The following ACTR6 variants were observed in gnomAD, a reference collection of about 807,000 sequenced individuals.
ACTR6 encodes the protein actin-related protein 6.
Under a neutral mutation model 52.5 loss-of-function variants are expected in ACTR6, and 50 were observed. The ratio of observed to expected loss-of-function variants is 0.95; its 90% CI spans 0.76 to 1.20. ACTR6 has a LOEUF of 1.20. Ranked by LOEUF, ACTR6 falls within the 50% of genes most tolerant of loss-of-function variation. The pLI is 0.00. For synonymous variants in ACTR6, 135 were observed against 147.2 expected (o/e 0.92, Z 0.60); for missense variants, 344 against 472.4 (o/e 0.73, Z 2.52).
intron 4 of ACTR6, 67 bp downstream of exon 4, chr12:100,207,853 A>C: frequency 6.5e-7 from 1 of 1,529,134 alleles, no homozygotes; most frequent in Non-Finnish European, 9.0e-7. Context: ...ATACTCATAA[A>C]GTCCCAAAAT....
chr12:100,206,894 G>A (rs2096115291), intron 3 of ACTR6, among the ~76,000 whole-genome samples: 1 of 148,596 alleles, frequency 6.7e-6, no homozygotes, highest in African/African-American at 2.5e-5. Flanking sequence ...TGGCCAGGCT[G>A]GTCTGGAACT....
At chr12:100,212,824 T>G (rs927099657) in intron 8 of ACTR6, among the ~76,000 whole-genome samples, 1 of 151,712 alleles carries the variant, frequency 6.6e-6, no homozygotes, top group East Asian at 2.0e-4. Flanking sequence ...GCCAACATAC[T>G]GAAACCCCGT....
At chr12:100,209,891 G>A (rs1034887122) in intron 4 of ACTR6, among the ~76,000 whole-genome samples, 182 bp from the exon 5 acceptor site, 4 of 151,882 alleles carry the variant, frequency 2.6e-5, no homozygotes, top group Non-Finnish European at 5.9e-5. Flanking sequence ...ATGTAAGTGT[G>A]GTGTTTTAAA....
At chr12:100,209,882 T>C (rs1396553807) in intron 4 of ACTR6, among the ~76,000 whole-genome samples, 191 bp from the exon 5 acceptor site, 1 of 152,234 alleles carries the variant, frequency 6.6e-6, no homozygotes, top group South Asian at 2.1e-4. Context: ...ATGTTTACCA[T>C]GTAAGTGTGG....
In ACTR6 at chr12:100,210,989, TTTTG is replaced by T. The variant is rs1290759787; in HGVS notation, c.572+646_572+649del. Among the ~76,000 whole-genome samples, 283 of 152,246 alleles carry T rather than the reference TTTTG, an allele frequency of 1.9e-3. 1 individual carries two copies. The highest frequency in any genetic ancestry group is 6.7e-3 in the African/African-American group (277 of 41,550). On this transcript the variant is annotated intron_variant, in intron 6 of 10. Coordinates refer to ENST00000188312, the MANE Select transcript of ACTR6 (RefSeq NM_022496.5). ...TGTTATCTGAAGAATGTTAGTTTCT[TTTTG>T]TTTGTTTTCTTTTTACAATTTTATT...
intron 1 of ACTR6, among the ~76,000 whole-genome samples, chr12:100,203,022 C>T (rs527768292): frequency 6.6e-6 from 1 of 152,230 alleles, no homozygotes; most frequent in South Asian, 2.1e-4. Context: ...GTATTAGATT[C>T]TCACAAAAAA....
chr12:100,223,532 T>C (rs2096129953), intron 10 of ACTR6, among the ~76,000 whole-genome samples: 1 of 152,218 alleles, frequency 6.6e-6, no homozygotes. Flanking sequence ...ATTCAGGACA[T>C]AGGGAAAAAG....
At chr12:100,203,969 C>T (rs1437291732) in intron 1 of ACTR6, 1 of 152,124 alleles carries the variant, frequency 6.6e-6, no homozygotes, top group Non-Finnish European at 1.5e-5. Flanking sequence ...ATCTTTAATC[C>T]AAATGGTATT....
Position 100,205,444 on chromosome 12 carries a change from T to C in ACTR6, c.187-232T>C, listed in dbSNP as rs1592833087. ...AAATTCATACAGCAGTATACCTATG[T>C]AGTAAACCTGCACGTTCTGCACATG... is the stretch of plus-strand genomic sequence containing the variant. On this transcript the variant is annotated intron_variant, in intron 2 of 10. Coordinates refer to ENST00000188312, the MANE Select transcript of ACTR6 (RefSeq NM_022496.5). 2.8e-5 allele frequency: 9 copies of C among 322,216 alleles called. No individual in the cohort carries two copies. In the East Asian group the frequency reaches 5.1e-4, roughly 18 times the overall value. 20.0% of individuals were successfully genotyped at this position (322,216 alleles called of 1,614,324 possible).
intron 8 of ACTR6, among the ~76,000 whole-genome samples, chr12:100,213,698 G>A (rs1478265851): frequency 1.3e-5 from 2 of 152,084 alleles, no homozygotes; most frequent in South Asian, 2.1e-4. Flanking sequence ...ATTAGAAAAG[G>A]GCAAAATCCA....
chr12:100,220,217 T>C, intron 10 of ACTR6, 71 bp downstream of exon 10: 1 of 1,491,144 alleles, frequency 6.7e-7, no homozygotes, highest in South Asian at 1.3e-5. Context: ...TTGACTTGAG[T>C]TTAAAACCTG....
intron 3 of ACTR6, among the ~76,000 whole-genome samples, chr12:100,207,329 C>T (rs2096115705): frequency 6.6e-6 from 1 of 152,022 alleles, no homozygotes; most frequent in East Asian, 1.9e-4. Flanking sequence ...GTCAGCCTCC[C>T]AAAGTGCTGG....
Position 100,200,878 on chromosome 12 carries a change from A to G in ACTR6, c.27A>G (p.Gly9=), listed in dbSNP as rs751527538. The G allele has an allele frequency of 6.2e-7, 1 of 1,614,092 alleles. No homozygotes were observed. Among genetic ancestry groups the G allele is most frequent in the Non-Finnish European group, 8.5e-7 (1 of 1,180,012 alleles). MTTLVLDN[G]AYNAKIGYSH... ...TGACGACCTTAGTGCTGGATAATGGAGCTTACAACGCCAAAATCGGTTACA... is the reference window on the plus strand; with the variant it reads ...TGACGACCTTAGTGCTGGATAATGGGGCTTACAACGCCAAAATCGGTTACA... Residue 9 remains glycine, a synonymous_variant, in exon 1 of 11, where the codon GGA becomes GGG. Transcript: ENST00000188312.
At chr12:100,215,349 T>A (rs1404180661) in intron 8 of ACTR6, among the ~76,000 whole-genome samples, 2 of 152,230 alleles carry the variant, frequency 1.3e-5, no homozygotes, top group Admixed American at 1.3e-4. Context: ...CTCTGCCAGT[T>A]TCTTCCTTGC....
At chr12:100,222,892 T>C (rs942035754) in intron 10 of ACTR6, among the ~76,000 whole-genome samples, 1 of 151,962 alleles carries the variant, frequency 6.6e-6, no homozygotes, top group Non-Finnish European at 1.5e-5. Context: ...TAATTGTTTA[T>C]CATACACTAT....
chr12:100,207,128 A>G (rs1387035949), intron 3 of ACTR6, among the ~76,000 whole-genome samples: 5 of 152,026 alleles, frequency 3.3e-5, no homozygotes, highest in African/African-American at 1.2e-4. Context: ...ATCATGGCTC[A>G]CTGCAGCCTC....
chr12:100,204,939 G>C lies in ACTR6; in HGVS notation c.69-1G>C. The C allele has an allele frequency of 6.3e-7, 1 of 1,579,848 alleles. No individual in the cohort carries two copies. The highest frequency in any genetic ancestry group is 8.7e-7 in the Non-Finnish European group (1 of 1,152,404). On this transcript the variant is annotated splice_acceptor_variant, in intron 1 of 10. Coordinates refer to ENST00000188312, the MANE Select transcript of ACTR6 (RefSeq NM_022496.5). LOFTEE classifies it high-confidence loss of function. ...ATAATTATTTGTTTCCTTGTTTCTA[G>C]GGTTATTCCTAATTGTCAGTTCCGG...
chr12:100,212,976 C>T (rs1182609420), intron 8 of ACTR6, among the ~76,000 whole-genome samples: 1 of 138,488 alleles, frequency 7.2e-6, no homozygotes, highest in African/African-American at 2.8e-5. Context: ...TATTGCACTC[C>T]AGCCTGGGCA....
In ACTR6 at chr12:100,223,823, T is replaced by C. The variant is rs771050741; in HGVS notation, c.1099T>C (p.Ser367Pro). The change falls in exon 11 of 11, where the codon TCA (serine) becomes CCA (proline). Residue 367 changes from serine to proline, a missense_variant. Coordinates refer to ENST00000188312, the MANE Select transcript of ACTR6 (RefSeq NM_022496.5). Reference sequence around the variant, plus strand: ...TGCCTGGGAAGGTGGAAAATTGATATCAGAGAATGATGATTTTGAAGATAT... The same window carrying C: ...TGCCTGGGAAGGTGGAAAATTGATACCAGAGAATGATGATTTTGAAGATAT... ...TYAWEGGKLI[S>P]ENDDFEDMVV... 1.9e-6 allele frequency: 3 copies of C among 1,610,926 alleles called. No individual in the cohort carries two copies. The highest frequency in any genetic ancestry group is 1.1e-5 in the South Asian group (1 of 90,410).
Sources: gnomAD v4.1 joint callset for allele counts (sites outside exome capture counted in the v4.1 genomes callset) on GRCh38, gnomAD v4.1.1 for gene constraint, MANE v1.5 for transcripts, NCBI Gene and HGNC (gene_info 2026-07-23, HGNC 2026-07-21) for gene names.